The following THSD7A variants were observed in gnomAD, a reference collection of about 807,000 sequenced individuals.
THSD7A encodes the protein thrombospondin type 1 domain containing 7A.
A neutral mutation model predicts 231.3 loss-of-function variants in THSD7A; 96 were observed. That is an observed-to-expected ratio of 0.41 (90% CI 0.35 to 0.49). The LOEUF is 0.49. Ranked by LOEUF, THSD7A falls within the 20% of genes least tolerant of loss-of-function variation. The pLI, the probability that THSD7A is intolerant of heterozygous loss-of-function variation, is 0.05. For synonymous variants in THSD7A, 940 were observed against 743.3 expected (o/e 1.26, Z -4.30); for missense variants, 2,290 against 2,070.2 (o/e 1.11, Z -2.06).
intron 4 of THSD7A, among the ~76,000 whole-genome samples, chr7:11,563,233 T>C (rs1040120166): frequency 3.9e-5 from 6 of 152,216 alleles, no homozygotes; most frequent in African/African-American, 1.4e-4. Context: ...TCAAAGCTCA[T>C]ACATTTATTC....
rs142003755 is a variant in THSD7A, at chr7:11,802,296, A to G, written c.190+29461T>C. ...ATGCATATACCTGGCCCACCCTACT[A>G]TACTATTTAATTAAAATCTTTTGGT... On this transcript the variant is annotated intron_variant, in intron 1 of 27. Coordinates refer to ENST00000423059, the MANE Select transcript of THSD7A (RefSeq NM_015204.3). Among the ~76,000 whole-genome samples the G allele has an allele frequency of 2.1e-3, 314 of 152,294 alleles. 2 individuals are homozygous for G. Among genetic ancestry groups the G allele is most frequent in the East Asian group, 0.016 (83 of 5,192 alleles).
intron 1 of THSD7A, among the ~76,000 whole-genome samples, chr7:11,717,583 T>C (rs1781183978): frequency 6.6e-6 from 1 of 151,638 alleles, no homozygotes; most frequent in African/African-American, 2.4e-5. Flanking sequence ...GATTCTGATC[T>C]GTCCTGTGAC....
chr7:11,643,617 A>ACG (rs1782170134), intron 1 of THSD7A, among the ~76,000 whole-genome samples: 1 of 151,608 alleles, frequency 6.6e-6, no homozygotes, highest in Admixed American at 6.6e-5. Flanking sequence ...ACACACACAC[A>ACG]CACACAGATT....
At chr7:11,630,170 GA>G (rs1316300278) in intron 2 of THSD7A, among the ~76,000 whole-genome samples, 1 of 152,108 alleles carries the variant, frequency 6.6e-6, no homozygotes, top group Non-Finnish European at 1.5e-5. Flanking sequence ...TCCTAAAACA[GA>G]AGTTTGGAGT....
intron 6 of THSD7A, among the ~76,000 whole-genome samples, chr7:11,517,726 G>A (rs1788091856): frequency 6.6e-6 from 1 of 152,142 alleles, no homozygotes. Flanking sequence ...ATACATAGAA[G>A]ATAATTTTAT....
At chr7:11,541,306 G>A (rs748169763) in intron 6 of THSD7A, 113 bp downstream of exon 6, 58 of 1,016,906 alleles carry the variant, frequency 5.7e-5, no homozygotes, top group Non-Finnish European at 7.1e-5. Flanking sequence ...CTATTTCTAC[G>A]TTTGTAAACA....
intron 1 of THSD7A, among the ~76,000 whole-genome samples, chr7:11,830,594 A>G (rs1228294469): frequency 6.6e-6 from 1 of 152,226 alleles, no homozygotes; most frequent in Non-Finnish European, 1.5e-5. Flanking sequence ...ATCTTCTAAG[A>G]CAAATTGTGT....
In THSD7A at chr7:11,576,518, G is replaced by A. The variant is rs991516274; in HGVS notation, c.1453+13942C>T. 1.2e-4 allele frequency among the ~76,000 whole-genome samples: 19 copies of A among 152,218 alleles called. 1 individual carries two copies. The highest frequency in any genetic ancestry group is 3.4e-3 in the Middle Eastern group (1 of 294). On this transcript the variant is annotated intron_variant, in intron 4 of 27. Coordinates refer to ENST00000423059, the MANE Select transcript of THSD7A (RefSeq NM_015204.3). ...GAGTCACTGCGATTCATAGCTAGCCGGTCTGGATTTGATTCTGATAATGTC... is the reference window on the plus strand; with the variant it reads ...GAGTCACTGCGATTCATAGCTAGCCAGTCTGGATTTGATTCTGATAATGTC...
At chr7:11,631,954 T>C (rs1781671978) in intron 2 of THSD7A, among the ~76,000 whole-genome samples, 1 of 152,166 alleles carries the variant, frequency 6.6e-6, no homozygotes, top group Non-Finnish European at 1.5e-5. Context: ...AAAGGCCTGC[T>C]TGGAGGGTTT....
intron 6 of THSD7A, among the ~76,000 whole-genome samples, chr7:11,513,632 A>C (rs1787909513): frequency 6.6e-6 from 1 of 152,184 alleles, no homozygotes; most frequent in Non-Finnish European, 1.5e-5. Context: ...AGTGGTTGCC[A>C]TGGGATGAGA....
intron 8 of THSD7A, among the ~76,000 whole-genome samples, chr7:11,473,076 G>A (rs2128301883): frequency 6.6e-6 from 1 of 152,212 alleles, no homozygotes; most frequent in South Asian, 2.1e-4. Context: ...TTAAACATGT[G>A]AAATAGTCTT....
rs1349955998 is a variant in THSD7A, at chr7:11,811,548, A to C, written c.190+20209T>G. 4.6e-5 allele frequency among the ~76,000 whole-genome samples: 7 copies of C among 152,176 alleles called. No individual in the cohort carries two copies. The East Asian group carries it at 1.3e-3, about 29-fold the overall frequency. ...GACAGTCCTAATTTTCATCTCCTTCATCATATGCCCTAAGATATGTAGTAT... is the reference window on the plus strand; with the variant it reads ...GACAGTCCTAATTTTCATCTCCTTCCTCATATGCCCTAAGATATGTAGTAT... On this transcript the variant is annotated intron_variant, in intron 1 of 27. Transcript: ENST00000423059.
intron 1 of THSD7A, among the ~76,000 whole-genome samples, chr7:11,818,398 G>A (rs1404385308): frequency 3.3e-5 from 5 of 152,022 alleles, no homozygotes; most frequent in Non-Finnish European, 5.9e-5. Context: ...CTATTCTTAC[G>A]CACACCAACT....
intron 1 of THSD7A, among the ~76,000 whole-genome samples, chr7:11,793,330 T>C (rs1261660815): frequency 6.6e-6 from 1 of 151,794 alleles, no homozygotes; most frequent in African/African-American, 2.4e-5. Context: ...TAGTAGGTAA[T>C]AGAAAAATAT....
intron 1 of THSD7A, among the ~76,000 whole-genome samples, chr7:11,652,022 T>A (rs1176003380): frequency 6.6e-6 from 1 of 152,004 alleles, no homozygotes; most frequent in African/African-American, 2.4e-5. Context: ...TTATTACACA[T>A]CTAGAAGCAT....
At chr7:11,772,163 T>C (rs1001441516) in intron 1 of THSD7A, among the ~76,000 whole-genome samples, 1 of 152,138 alleles carries the variant, frequency 6.6e-6, no homozygotes, top group African/African-American at 2.4e-5. Flanking sequence ...CACAATGAGA[T>C]ACTATCTCAC....
intron 4 of THSD7A, among the ~76,000 whole-genome samples, chr7:11,552,432 T>A (rs1344298587): frequency 6.6e-6 from 1 of 152,142 alleles, no homozygotes; most frequent in South Asian, 2.1e-4. Flanking sequence ...AGTTTTATTT[T>A]AGCTTTTGGT....
intron 1 of THSD7A, among the ~76,000 whole-genome samples, chr7:11,664,817 C>G (rs1303851800): frequency 6.6e-6 from 1 of 151,956 alleles, no homozygotes. Flanking sequence ...AAACACCATC[C>G]ATGGATAACC....
chr7:11,376,458 G>C (rs1028304993), intron 27 of THSD7A, 112 bp downstream of exon 27: 53 of 829,174 alleles, frequency 6.4e-5, no homozygotes, highest in Non-Finnish European at 8.3e-5. Context: ...TGTTTATTTA[G>C]AAATTCATGT....
Sources: allele counts gnomAD v4.1 joint callset (sites outside exome capture counted in the v4.1 genomes callset), GRCh38; gene constraint gnomAD v4.1.1; transcripts MANE v1.5; gene names NCBI Gene and HGNC (gene_info 2026-07-23, HGNC 2026-07-21).